NUP58: variants seen among roughly 807,000 people sequenced by gnomAD.
NUP58 encodes the protein nucleoporin p58/p45.
NUP58 carries 17 observed loss-of-function variants against 70.1 expected under a neutral mutation model. That is an observed-to-expected ratio of 0.24 (90% confidence interval 0.17 to 0.36). The LOEUF (loss-of-function observed/expected upper bound fraction) is 0.36. NUP58 is among the 10% of genes least tolerant of loss of function. The pLI is 1.00. For missense variants in NUP58, 644 were observed against 701.5 expected (o/e 0.92, Z 0.93); for synonymous variants, 275 against 257.6 (o/e 1.07, Z -0.65).
At position 25,341,672 on chromosome 13, in the gene NUP58, A is replaced by T. The variant is rs1385452254; in HGVS notation, c.*1538A>T. The T allele has an allele frequency of 6.5e-6, 1 of 152,700 alleles. No homozygotes were observed. Among genetic ancestry groups the T allele is most frequent in the East Asian group, 1.9e-4 (1 of 5,202 alleles). The allele number at this position is 152,700 out of a possible 1,614,324, so 9.5% of individuals were successfully genotyped here. ...TGACTACATTAGTATTAGTGACATC[A>T]GGTGGATATAAAAGAAAACCCTTGG... On this transcript the variant is annotated 3_prime_UTR_variant, in exon 16 of 16. Coordinates refer to ENST00000381736, the MANE Select transcript of NUP58 (RefSeq NM_014089.4).
intron 5 of NUP58, 24 bp downstream of exon 5, chr13:25,313,775 A>G: frequency 2.0e-6 from 3 of 1,489,854 alleles, no homozygotes; most frequent in Non-Finnish European, 2.7e-6. Flanking sequence ...TTTATTCTCC[A>G]GAATAGTAAA....
At position 25,332,153 on chromosome 13, in the gene NUP58, C is replaced by G. The variant is rs369132580; in HGVS notation, c.1435+595C>G. On this transcript the variant is annotated intron_variant, in intron 13 of 15. Transcript: ENST00000381736. ...TAGAATTGTACCTTTCCAAGGTGAA[C>G]AGAACAGCAAGAGCAGGAAAAAGAT... 194 of 986,826 alleles carry G rather than the reference C, an allele frequency of 2.0e-4. No individual in the cohort carries two copies. In the South Asian group the frequency reaches 3.1e-3, roughly 16 times the overall value. The allele number at this position is 986,826 out of a possible 1,614,324, so 61.1% of individuals were successfully genotyped here.
Position 25,321,094 on chromosome 13 carries a change from G to C in NUP58, c.951+1G>C. 1 of 1,574,232 alleles carries C rather than the reference G, an allele frequency of 6.4e-7. No individual in the cohort carries two copies. The highest frequency in any genetic ancestry group is 8.6e-7 in the Non-Finnish European group (1 of 1,167,724). ...CAAATTGAAAATAGAAACTGCTCAG[G>C]TATACCAACTTATGGCCATTTTACC... On this transcript the variant is annotated splice_donor_variant, in intron 9 of 15. Coordinates refer to ENST00000381736, the MANE Select transcript of NUP58 (RefSeq NM_014089.4). LOFTEE classifies it high-confidence loss of function.
chr13:25,332,677 G>T (rs2031651363), intron 13 of NUP58: 2 of 985,324 alleles, frequency 2.0e-6, no homozygotes, highest in Admixed American at 1.2e-4. Context: ...GTAAAGGGTT[G>T]ATGATAGATT....
chr13:25,334,313 T>C, intron 13 of NUP58: 1 of 985,372 alleles, frequency 1.0e-6, no homozygotes, highest in East Asian at 1.1e-4. Context: ...TATCTGGGAT[T>C]GAGTTTTGCT....
chr13:25,318,374 C>G (rs2031034648), intron 6 of NUP58, among the ~76,000 whole-genome samples: 2 of 152,064 alleles, frequency 1.3e-5, no homozygotes, highest in Admixed American at 6.6e-5. Flanking sequence ...CCCTGTTGCC[C>G]AGGCTGGTCT....
chr13:25,307,968 A>G lies in NUP58; in HGVS notation c.250+20A>G, dbSNP rs906832907. ...ATACAGGTGAGGAGGATCTGATCAC[A>G]TTGTCAGAGAGTAGGCTTGGGATAT... On this transcript the variant is annotated intron_variant, in intron 2 of 15. Transcript: ENST00000381736. 3 of 1,611,910 alleles carry G rather than the reference A, an allele frequency of 1.9e-6. No homozygotes were observed. The highest frequency in any genetic ancestry group is 2.5e-6 in the Non-Finnish European group (3 of 1,178,870).
At position 25,326,937 on chromosome 13, in the gene NUP58, G is replaced by A; in HGVS notation, c.1053G>A (p.Gln351=). The change falls in exon 11 of 16, where the codon CAG becomes CAA. Residue 351 remains glutamine, a synonymous_variant. Transcript: ENST00000381736. The stretch of plus-strand genomic sequence containing the variant: ...AAAGCTACTTCAGAATCTTGGTTCA[G>A]CAATTTGAGGTACAGCTTCAGCAGT... ...APADYFRILV[Q]QFEVQLQQYR... 6.3e-7 allele frequency: 1 copy of A among 1,585,124 alleles called. No homozygotes were observed. Among genetic ancestry groups the A allele is most frequent in the Non-Finnish European group, 8.6e-7 (1 of 1,166,458 alleles).
downstream of NUP58, chr13:25,342,455 T>TTTC (rs141024053): frequency 0.05 from 7,651 of 152,616 alleles, 548 homozygotes; most frequent in African/African-American, 0.16. Flanking sequence ...AATATGTAAT[T>TTTC]TTATTATTGC....
chr13:25,331,472 C>T lies in NUP58; in HGVS notation c.1349C>T (p.Thr450Ile). Residue 450 changes from threonine (T) to isoleucine (I), a missense_variant, in exon 13 of 16, where the codon ACT (threonine) becomes ATT (isoleucine). By Grantham distance (89) the Thr-to-Ile change is moderately conservative (BLOSUM62 -1). Around this residue, in one of 4 missense-constraint regions of NUP58, gnomAD observed 132 missense variants for 203.9 expected, o/e 0.65. Coordinates refer to ENST00000381736, the MANE Select transcript of NUP58 (RefSeq NM_014089.4). The part of the protein sequence containing the change: ...KKWQNTPRVT[T>I]GPTPFSTMPN... The stretch of plus-strand genomic sequence containing the variant: ...TGGCAGAACACACCCAGAGTTACTA[C>T]TGGACCCACTCCTTTCAGCACCATG... The T allele has an allele frequency of 1.2e-6, 2 of 1,614,172 alleles. No homozygotes were observed. Among genetic ancestry groups the T allele is most frequent in the Non-Finnish European group, 8.5e-7 (1 of 1,180,034 alleles).
rs888242272 is a variant in NUP58, at chr13:25,313,046, A to G, written c.436+14A>G. On this transcript the variant is annotated intron_variant, in intron 4 of 15. Coordinates refer to ENST00000381736, the MANE Select transcript of NUP58 (RefSeq NM_014089.4). Reference sequence around the variant, plus strand: ...CAACTCCAGCAGGTGAGGCAGAATGAAAAACCGTTGCATTTAATGGTTAAA... The same window carrying G: ...CAACTCCAGCAGGTGAGGCAGAATGGAAAACCGTTGCATTTAATGGTTAAA... 1 of 1,609,304 alleles carries G rather than the reference A, an allele frequency of 6.2e-7. No individual in the cohort carries two copies. The highest frequency in any genetic ancestry group is 8.5e-7 in the Non-Finnish European group (1 of 1,178,598).
chr13:25,344,720 C>T (rs990848340), downstream of NUP58, among the ~76,000 whole-genome samples: 1 of 152,140 alleles, frequency 6.6e-6, no homozygotes, highest in Non-Finnish European at 1.5e-5. Context: ...GTTCTTTTAA[C>T]AAAGTTTTTA....
chr13:25,307,672 C>T lies in NUP58; in HGVS notation c.108-134C>T. ...TTATTTTTCTTTTTGGGTCCTATGA[C>T]AATGTATTAGATATGTTATGTGAAT... On this transcript the variant is annotated intron_variant, in intron 1 of 15. Transcript: ENST00000381736. 3 of 766,182 alleles carry T rather than the reference C, an allele frequency of 3.9e-6. No individual in the cohort carries two copies. In the South Asian group the frequency reaches 6.5e-5, roughly 17 times the overall value. The allele number at this position is 766,182 out of a possible 1,614,324, so 47.5% of individuals were successfully genotyped here.
chr13:25,313,464 T>C (rs895766974), intron 4 of NUP58, 150 bp from the exon 5 acceptor site: 11 of 672,336 alleles, frequency 1.6e-5, no homozygotes, highest in Non-Finnish European at 2.6e-5. Flanking sequence ...TATTTCTCTT[T>C]ATTCTTAAGT....
At chr13:25,305,140 T>TG (rs79698004) in intron 1 of NUP58, among the ~76,000 whole-genome samples, 493 of 9,676 alleles carry the variant, frequency 0.051, 11 homozygotes, top group Middle Eastern at 0.17. Flanking sequence ...GTTTTTTTTT[T>TG]TTTTTTTTTT....
intron 1 of NUP58, 103 bp downstream of exon 1, chr13:25,301,983 C>A: frequency 1.3e-6 from 1 of 751,700 alleles, no homozygotes; most frequent in South Asian, 1.8e-5. Context: ...TGGCTTCCTT[C>A]CCAGTGGGGC....
intron 9 of NUP58, 109 bp downstream of exon 9, chr13:25,321,202 T>C: frequency 1.1e-6 from 1 of 888,288 alleles, no homozygotes; most frequent in Non-Finnish European, 1.7e-6. Flanking sequence ...ATTTGATACA[T>C]GCATACCGGT....
chr13:25,303,633 G>A (rs2137699767), intron 1 of NUP58, among the ~76,000 whole-genome samples: 1 of 152,040 alleles, frequency 6.6e-6, no homozygotes, highest in East Asian at 1.9e-4. Context: ...TCAGTCTAGG[G>A]GAGATTTCCA....
At chr13:25,311,080 A>G (rs545281203) in intron 3 of NUP58, among the ~76,000 whole-genome samples, 1 of 152,232 alleles carries the variant, frequency 6.6e-6, no homozygotes, top group Non-Finnish European at 1.5e-5. Flanking sequence ...GGAAGAAAAC[A>G]GTATGGTTTA....
Sources: allele counts gnomAD v4.1 joint callset (sites outside exome capture counted in the v4.1 genomes callset), GRCh38; gene constraint gnomAD v4.1.1; regional missense constraint gnomAD v4.1.1; transcripts MANE v1.5; gene names NCBI Gene and HGNC (gene_info 2026-07-23, HGNC 2026-07-21).